MEMO1: variants seen among roughly 807,000 people sequenced by gnomAD.
MEMO1 encodes the protein mediator of cell motility 1.
Under a neutral mutation model 45.2 loss-of-function variants are expected in MEMO1, and 6 were observed. The observed-to-expected ratio is 0.13, with a 90% confidence interval of 0.07 to 0.26. The LOEUF is 0.26. Ranked by LOEUF, MEMO1 falls within the 10% of genes least tolerant of loss-of-function variation. The pLI, the probability that MEMO1 is intolerant of heterozygous loss-of-function variation, is 1.00. For synonymous variants in MEMO1, 78 were observed against 124.3 expected, an observed-to-expected ratio of 0.63 and a Z score of 2.48; for missense variants, 184 against 370.5, an observed-to-expected ratio of 0.50 and a Z score of 4.13.
chr2:31,937,243 CA>C (rs1248295794), intron 3 of MEMO1, among the ~76,000 whole-genome samples: 1 of 152,080 alleles, frequency 6.6e-6, no homozygotes, highest in Admixed American at 6.6e-5. Context: ...AGTTATTATT[CA>C]GAATATTTTA....
chr2:31,967,848 T>A (rs1473877826), intron 2 of MEMO1, among the ~76,000 whole-genome samples: 2 of 152,226 alleles, frequency 1.3e-5, no homozygotes, highest in South Asian at 2.1e-4. Context: ...ATGCATTTTT[T>A]AAAAATTGTT....
intron 2 of MEMO1, among the ~76,000 whole-genome samples, chr2:31,995,155 G>A (rs956201410): frequency 6.6e-6 from 1 of 151,882 alleles, no homozygotes; most frequent in African/African-American, 2.4e-5. Context: ...ATGAATATAT[G>A]AAAATAAGAG....
chr2:32,009,471 G>T (rs567576466), intron 2 of MEMO1, among the ~76,000 whole-genome samples: 1 of 151,972 alleles, frequency 6.6e-6, no homozygotes, highest in African/African-American at 2.4e-5. Flanking sequence ...CCCATGCAGA[G>T]ACCTCGTCTG....
chr2:31,986,708 G>A (rs930749231), intron 2 of MEMO1, among the ~76,000 whole-genome samples: 1 of 152,080 alleles, frequency 6.6e-6, no homozygotes, highest in Non-Finnish European at 1.5e-5. Flanking sequence ...AAGGAGACAG[G>A]CAGACAGTAA....
chr2:31,881,565 C>A (rs1468604189), intron 8 of MEMO1, among the ~76,000 whole-genome samples: 1 of 123,492 alleles, frequency 8.1e-6, no homozygotes, highest in African/African-American at 3.0e-5. Context: ...AAAAACAAGA[C>A]AATACACTAA....
At position 31,883,455 on chromosome 2, in the gene MEMO1, C is replaced by A; in HGVS notation, c.588G>T (p.Arg196Ser). 6.3e-7 allele frequency: 1 copy of A among 1,584,802 alleles called. No individual in the cohort carries two copies. The highest frequency in any genetic ancestry group is 8.6e-7 in the Non-Finnish European group (1 of 1,167,546). The change falls in exon 8 of 10, where the codon AGG (arginine) becomes AGT (serine). Residue 196 changes from arginine to serine, a missense_variant. Around this residue, in one of 3 missense-constraint regions of MEMO1, gnomAD observed 97 missense variants for 209.3 expected, o/e 0.46. Coordinates refer to ENST00000404530, the MANE Select transcript of MEMO1 (RefSeq NM_001301833.4). ...VSSDFCHWGQ[R>S]FRYSYYDESQ... Reference sequence around the variant, plus strand: ...ATTCATCATAGTAACTGTAACGGAACCTTTGACCTTGAAACAAATATCATG... The same window carrying A: ...ATTCATCATAGTAACTGTAACGGAAACTTTGACCTTGAAACAAATATCATG...
intron 2 of MEMO1, among the ~76,000 whole-genome samples, chr2:31,983,244 G>C (rs1670870555): frequency 6.6e-6 from 1 of 151,992 alleles, no homozygotes; most frequent in Non-Finnish European, 1.5e-5. Context: ...CTGGGCAACA[G>C]AGCAAGACTC....
At chr2:31,919,084 A>AT (rs996062863) in intron 5 of MEMO1, among the ~76,000 whole-genome samples, 18 of 151,792 alleles carry the variant, frequency 1.2e-4, no homozygotes, top group African/African-American at 3.9e-4. Context: ...AGAAAGAAGA[A>AT]TTTTTTCTTG....
chr2:31,917,803 T>C (rs1681686191), intron 6 of MEMO1, 123 bp downstream of exon 6: 1 of 619,300 alleles, frequency 1.6e-6, no homozygotes, highest in Admixed American at 3.6e-5. Context: ...CATTCTTGTC[T>C]CAATTTTTTA....
intron 2 of MEMO1, among the ~76,000 whole-genome samples, chr2:31,964,803 T>A (rs1668420007): frequency 1.3e-5 from 2 of 152,266 alleles, no homozygotes; most frequent in Admixed American, 1.3e-4. Flanking sequence ...GTGATAATAG[T>A]ATTGTGGTTA....
intron 7 of MEMO1, among the ~76,000 whole-genome samples, chr2:31,889,242 A>G (rs1676596696): frequency 6.6e-6 from 1 of 152,096 alleles, no homozygotes; most frequent in South Asian, 2.1e-4. Context: ...TAATTTTTCA[A>G]GTGTACTGCA....
In MEMO1 at chr2:31,901,611, T is replaced by C. The variant is rs1021478605; in HGVS notation, c.438-9477A>G. Among the ~76,000 whole-genome samples, 5 of 151,888 alleles carry C rather than the reference T, an allele frequency of 3.3e-5. No individual in the cohort carries two copies. In the South Asian group the frequency reaches 1.0e-3, roughly 32 times the overall value. On this transcript the variant is annotated intron_variant, in intron 6 of 9. Coordinates refer to ENST00000404530, the MANE Select transcript of MEMO1 (RefSeq NM_001301833.4). ...AACACCAGGTTTCTTTTTAGGGTGA[T>C]GAAAACATGTTCTGGCCAGGCATGG...
chr2:31,869,706 A>G (rs914605344), intron 9 of MEMO1, 142 bp downstream of exon 9: 24 of 769,006 alleles, frequency 3.1e-5, no homozygotes, highest in Non-Finnish European at 4.4e-5. Context: ...AAAGCAATGG[A>G]ACTCCAAATT....
At chr2:31,979,110 C>A (rs1670352939) in intron 2 of MEMO1, among the ~76,000 whole-genome samples, 1 of 152,158 alleles carries the variant, frequency 6.6e-6, no homozygotes, top group Admixed American at 6.5e-5. Context: ...CAAGGACCTT[C>A]TTCACATGGC....
In MEMO1 at chr2:31,953,371, A is replaced by G. The variant is rs1371524510; in HGVS notation, c.62-9988T>C. 2.0e-5 allele frequency among the ~76,000 whole-genome samples: 3 copies of G among 151,892 alleles called. No homozygotes were observed. In the East Asian group the frequency reaches 5.8e-4, roughly 29 times the overall value. On this transcript the variant is annotated intron_variant, in intron 2 of 9. Coordinates refer to ENST00000404530, the MANE Select transcript of MEMO1 (RefSeq NM_001301833.4). ...GATAGAGTGAAACTCCGTCTCAAAAAAAAAAAAAAAAAAACACAATTATTT... is the reference window on the plus strand; with the variant it reads ...GATAGAGTGAAACTCCGTCTCAAAAGAAAAAAAAAAAAAACACAATTATTT...
intron 4 of MEMO1, among the ~76,000 whole-genome samples, chr2:31,929,117 T>A (rs1490244305): frequency 6.6e-6 from 1 of 152,188 alleles, no homozygotes; most frequent in Admixed American, 6.5e-5. Context: ...AGGAATTACA[T>A]AGCTGTATTG....
At chr2:31,998,488 A>T (rs1329278704) in intron 2 of MEMO1, among the ~76,000 whole-genome samples, 1 of 152,114 alleles carries the variant, frequency 6.6e-6, no homozygotes, top group Non-Finnish European at 1.5e-5. Flanking sequence ...TGGTAATTTC[A>T]TCCAGATACC....
chr2:31,935,353 G>GA (rs1224391880), intron 3 of MEMO1, among the ~76,000 whole-genome samples: 4 of 152,120 alleles, frequency 2.6e-5, no homozygotes, highest in South Asian at 2.1e-4. Flanking sequence ...AAAACTACAC[G>GA]AAAGGATGAA....
intron 2 of MEMO1, among the ~76,000 whole-genome samples, chr2:32,008,327 G>A (rs757647437): frequency 6.6e-6 from 1 of 152,186 alleles, no homozygotes; most frequent in Non-Finnish European, 1.5e-5. Flanking sequence ...GGCTCACGCC[G>A]GTAATCCCAG....
Sources: allele counts gnomAD v4.1 joint callset (sites outside exome capture counted in the v4.1 genomes callset), GRCh38; gene constraint gnomAD v4.1.1; regional missense constraint gnomAD v4.1.1; transcripts MANE v1.5; gene names NCBI Gene and HGNC (gene_info 2026-07-23, HGNC 2026-07-21).